OPHN1: variants seen among roughly 807,000 people sequenced by gnomAD.
OPHN1 encodes the protein oligophrenin-1.
In OPHN1, 11 loss-of-function variants were observed where a neutral mutation model predicts 60.7. That is an observed-to-expected ratio of 0.18 (90% CI 0.11 to 0.30). The LOEUF (loss-of-function observed/expected upper bound fraction) is 0.30. Among genes scored for constraint, OPHN1 ranks in the 10% least tolerant of loss-of-function variants. The pLI, the probability that OPHN1 is intolerant of heterozygous loss-of-function variation, is 1.00. For missense variants in OPHN1, 449 were observed against 611.0 expected, an observed-to-expected ratio of 0.73 and a Z score of 2.80; for synonymous variants, 226 against 222.6, an observed-to-expected ratio of 1.02 and a Z score of -0.14.
intron 2 of OPHN1, among the ~76,000 whole-genome samples, chrX:68,394,016 C>T (rs1056510246): frequency 9.7e-6 from 1 of 103,203 alleles, no homozygotes; most frequent in African/African-American, 3.4e-5. Flanking sequence ...CTGCCTCAGC[C>T]TCCCGAGTAG....
intron 2 of OPHN1, among the ~76,000 whole-genome samples, chrX:68,400,281 G>C (rs2078706921): frequency 1.8e-5 from 2 of 110,927 alleles, no homozygotes; most frequent in African/African-American, 6.6e-5. Context: ...TGCTTTGCAG[G>C]GCGTTTTGTC....
At chrX:68,162,275 C>G (rs1336338220) in intron 15 of OPHN1, among the ~76,000 whole-genome samples, 1 of 110,417 alleles carries the variant, frequency 9.1e-6, no homozygotes, top group Non-Finnish European at 1.9e-5. Context: ...GGCTTTCAAG[C>G]TATTGAAAAT....
At position 68,282,961 on chromosome X, in the gene OPHN1, T is replaced by C. The variant is rs1025786788; in HGVS notation, c.312+95A>G. ...GCACCAAGAAGCTATCTGACAGAAATCAAAATAGTATAGGATCAATCCAAG... is the reference window on the plus strand; with the variant it reads ...GCACCAAGAAGCTATCTGACAGAAACCAAAATAGTATAGGATCAATCCAAG... On this transcript the variant is annotated intron_variant, in intron 4 of 24. Transcript: ENST00000355520. 7 of 674,366 alleles carry C rather than the reference T, an allele frequency of 1.0e-5. No homozygotes were observed. In the African/African-American group the frequency reaches 1.5e-4, roughly 15 times the overall value. 55.6% of individuals were successfully genotyped at this position (674,366 alleles called of 1,213,427 possible).
At position 68,119,337 on chromosome X, in the gene OPHN1, T is replaced by G; in HGVS notation, c.1277-5A>C. The G allele has an allele frequency of 8.6e-7, 1 of 1,156,612 alleles. No homozygotes were observed. Among genetic ancestry groups the G allele is most frequent in the Non-Finnish European group, 1.2e-6 (1 of 846,062 alleles). ...CATCTCCTGGGCATTTAGGATCTAT[T>G]TGAGAAAAGTAAACAAAAAACAAAA... On this transcript the variant is annotated splice_region_variant and splice_polypyrimidine_tract_variant and intron_variant, in intron 15 of 24. Transcript: ENST00000355520.
At chrX:68,385,705 T>C (rs2078620919) in intron 2 of OPHN1, among the ~76,000 whole-genome samples, 1 of 112,396 alleles carries the variant, frequency 8.9e-6, no homozygotes. Flanking sequence ...TTAAAACATA[T>C]CTCACACATA....
chrX:68,299,074 T>A lies in OPHN1; in HGVS notation c.177A>T (p.Lys59Asn), dbSNP rs767737764. The change falls in exon 3 of 25, where the codon AAA (lysine) becomes AAT (asparagine). Residue 59 changes from lysine to asparagine, a missense_variant. By Grantham distance (94) the Lys-to-Asn change is moderately conservative. This residue lies in a region of OPHN1 where 99 missense variants were observed against 155.2 expected (regional missense o/e 0.64). Transcript: ENST00000355520. ...GAAATGACTGCAGCGTCTGGGAAAA[T>A]TTCTGAACAGCAGAAGAATAATCTG... is the stretch of plus-strand genomic sequence containing the variant. ...AMRNYSSAVQ[K>N]FSQTLQSFQF... is the part of the protein sequence containing the mutation. The A allele has an allele frequency of 8.5e-7, 1 of 1,179,806 alleles. No homozygotes were observed. Among genetic ancestry groups the A allele is most frequent in the African/African-American group, 1.8e-5 (1 of 56,559 alleles).
At chrX:68,230,367 G>T (rs2077721725) in intron 6 of OPHN1, among the ~76,000 whole-genome samples, 1 of 111,373 alleles carries the variant, frequency 9.0e-6, no homozygotes, top group Non-Finnish European at 1.9e-5. Flanking sequence ...GATTCCTCAA[G>T]GATCTAGAAC....
At chrX:68,417,824 A>G (rs1448996788) in intron 2 of OPHN1, among the ~76,000 whole-genome samples, 1 of 112,505 alleles carries the variant, frequency 8.9e-6, no homozygotes, top group African/African-American at 3.2e-5. Context: ...GACTGCTACT[A>G]AAAAAGGAAA....
At chrX:68,240,106 C>A (rs1459668635) in intron 5 of OPHN1, among the ~76,000 whole-genome samples, 1 of 112,199 alleles carries the variant, frequency 8.9e-6, no homozygotes, top group African/African-American at 3.2e-5. Flanking sequence ...CCACTGCGCC[C>A]GGCCAATTTT....
At chrX:68,152,408 A>G (rs1308476774) in intron 15 of OPHN1, among the ~76,000 whole-genome samples, 2 of 110,440 alleles carry the variant, frequency 1.8e-5, no homozygotes, top group Non-Finnish European at 3.8e-5. Context: ...TCCACATCTC[A>G]GACCCTTTCT....
intron 2 of OPHN1, among the ~76,000 whole-genome samples, chrX:68,410,713 A>G (rs751666808): frequency 1.6e-4 from 18 of 111,232 alleles, no homozygotes; most frequent in Non-Finnish European, 2.6e-4. Flanking sequence ...ATACTGTTGC[A>G]TTGGGGATTA....
At position 68,082,199 on chromosome X, in the gene OPHN1, T is replaced by A. The variant is rs1315853961; in HGVS notation, c.1687-8900A>T. Among the ~76,000 whole-genome samples, 4 of 112,461 alleles carry A rather than the reference T, an allele frequency of 3.6e-5. No homozygotes were observed. The East Asian group carries it at 1.1e-3, about 31-fold the overall frequency. On this transcript the variant is annotated intron_variant, in intron 19 of 24. Coordinates refer to ENST00000355520, the MANE Select transcript of OPHN1 (RefSeq NM_002547.3). ...TACAGTTACTTCCTCCACTGAAGGGTTAAGCTCCTCAAAGTCAGCCATGAA... is the reference window on the plus strand; with the variant it reads ...TACAGTTACTTCCTCCACTGAAGGGATAAGCTCCTCAAAGTCAGCCATGAA...
intron 5 of OPHN1, among the ~76,000 whole-genome samples, chrX:68,244,385 A>C (rs2077795684): frequency 8.9e-6 from 1 of 112,112 alleles, no homozygotes; most frequent in African/African-American, 3.2e-5. Context: ...ATCTGAAATT[A>C]TTTATCTAAT....
rs888448974 is a variant in OPHN1, at chrX:68,432,764, G to A, written c.154+103C>T. The A allele has an allele frequency of 9.9e-5, 93 of 942,408 alleles. No individual in the cohort carries two copies. In the African/African-American group the frequency reaches 1.6e-3, roughly 16 times the overall value. 77.7% of individuals were successfully genotyped at this position (942,408 alleles called of 1,213,427 possible). A position where few individuals can be genotyped will look rare whatever the true frequency, so the allele number is the denominator to read the frequency against. ...AAACCCATTTGCCTCAGAGATCTGG[G>A]CTGGGAGTCACCCTGCAATCTCCCT... On this transcript the variant is annotated intron_variant, in intron 2 of 24. Transcript: ENST00000355520.
chrX:68,286,072 G>A (rs1296612444), intron 3 of OPHN1, among the ~76,000 whole-genome samples: 3 of 110,543 alleles, frequency 2.7e-5, no homozygotes, highest in Non-Finnish European at 5.7e-5. Context: ...CTTGTTCAAG[G>A]GTCATATTTT....
intron 2 of OPHN1, among the ~76,000 whole-genome samples, chrX:68,418,549 G>A (rs2078810466): frequency 1.8e-5 from 2 of 111,201 alleles, no homozygotes; most frequent in African/African-American, 6.5e-5. Flanking sequence ...CTTCCCAAAC[G>A]CACCCTACAA....
intron 5 of OPHN1, among the ~76,000 whole-genome samples, chrX:68,262,000 T>C (rs996835973): frequency 1.1e-4 from 12 of 111,700 alleles, no homozygotes; most frequent in African/African-American, 2.9e-4. Flanking sequence ...AATATCTTCA[T>C]CTTACAAAGC....
At chrX:68,187,142 G>T (rs1228521271) in intron 15 of OPHN1, among the ~76,000 whole-genome samples, 1 of 112,011 alleles carries the variant, frequency 8.9e-6, no homozygotes, top group Non-Finnish European at 1.9e-5. Context: ...AACAGCATCA[G>T]AGGGAGTGTC....
At chrX:68,189,310 A>G (rs1287755082) in intron 15 of OPHN1, among the ~76,000 whole-genome samples, 4 of 112,261 alleles carry the variant, frequency 3.6e-5, no homozygotes, top group Non-Finnish European at 7.5e-5. Context: ...TTATAGCTTG[A>G]TAAAGGAAAG....
Sources: allele counts gnomAD v4.1 joint callset (sites outside exome capture counted in the v4.1 genomes callset), GRCh38; gene constraint gnomAD v4.1.1; regional missense constraint gnomAD v4.1.1; transcripts MANE v1.5; gene names NCBI Gene and HGNC (gene_info 2026-07-23, HGNC 2026-07-21).